The following CAMTA1 variants were observed in gnomAD, a reference collection of about 807,000 sequenced individuals.
CAMTA1 encodes the protein calmodulin binding transcription activator 1.
CAMTA1 carries 27 observed loss-of-function variants against 170.9 expected under a neutral mutation model. That is an observed-to-expected ratio of 0.16 (90% CI 0.12 to 0.22). The LOEUF (loss-of-function observed/expected upper bound fraction) is 0.22. Ranked by LOEUF, CAMTA1 falls within the 10% of genes least tolerant of loss-of-function variation. CAMTA1 has a pLI of 1.00. For synonymous variants in CAMTA1, 833 were observed against 891.5 expected (o/e 0.93, Z 1.17); for missense variants, 1,619 against 2,217.2 (o/e 0.73, Z 5.42).
chr1:7,208,328 T>C (rs1411221611), intron 4 of CAMTA1, among the ~76,000 whole-genome samples: 11 of 152,268 alleles, frequency 7.2e-5, no homozygotes, highest in Admixed American at 6.5e-4. Context: ...ACATACTTCA[T>C]TGAAAATTCT....
intron 4 of CAMTA1, among the ~76,000 whole-genome samples, chr1:7,163,131 T>C (rs1303818442): frequency 2.0e-5 from 3 of 151,540 alleles, no homozygotes; most frequent in Non-Finnish European, 2.9e-5. Flanking sequence ...GGGGAGTGAA[T>C]AAACCATGTG....
intron 3 of CAMTA1, among the ~76,000 whole-genome samples, chr1:7,048,538 T>C (rs1705779638): frequency 6.6e-6 from 1 of 152,240 alleles, no homozygotes; most frequent in Admixed American, 6.5e-5. Context: ...TCTCAGCCTT[T>C]GCCCGGAGAG....
At chr1:7,130,937 G>GT (rs1420339445) in intron 4 of CAMTA1, among the ~76,000 whole-genome samples, 9 of 151,412 alleles carry the variant, frequency 5.9e-5, no homozygotes, top group Non-Finnish European at 1.3e-4. Context: ...TATTTTCTGA[G>GT]TTTGTTCCTT....
chr1:6,886,948 G>A (rs1016886965), intron 3 of CAMTA1, among the ~76,000 whole-genome samples: 1 of 152,204 alleles, frequency 6.6e-6, no homozygotes, highest in African/African-American at 2.4e-5. Flanking sequence ...GGAAACCAGA[G>A]TATCCCTTTG....
intron 6 of CAMTA1, among the ~76,000 whole-genome samples, chr1:7,516,836 G>A (rs1331120977): frequency 6.6e-6 from 1 of 152,182 alleles, no homozygotes; most frequent in Non-Finnish European, 1.5e-5. Flanking sequence ...CCAGCAAAGG[G>A]AGTCACACAG....
At chr1:7,308,410 T>C (rs1462583686) in intron 5 of CAMTA1, among the ~76,000 whole-genome samples, 1 of 152,080 alleles carries the variant, frequency 6.6e-6, no homozygotes, top group Admixed American at 6.5e-5. Context: ...AATTTGCTGT[T>C]ATTTTTCTAG....
In CAMTA1 at chr1:7,200,130, A is replaced by G. The variant is rs577472254; in HGVS notation, c.303-49361A>G. Among the ~76,000 whole-genome samples the G allele has an allele frequency of 1.7e-3, 253 of 152,320 alleles. 1 individual carries two copies. The highest frequency in any genetic ancestry group is 2.5e-3 in the Non-Finnish European group (172 of 68,018). ...TTCGCCAGATTTCATAGTTGTTCACATTTCACTATATATACTTAATTATTC... is the reference window on the plus strand; with the variant it reads ...TTCGCCAGATTTCATAGTTGTTCACGTTTCACTATATATACTTAATTATTC... On this transcript the variant is annotated intron_variant, in intron 4 of 22. Coordinates refer to ENST00000303635, the MANE Select transcript of CAMTA1 (RefSeq NM_015215.4).
chr1:7,617,934 C>T (rs1288416252), intron 6 of CAMTA1, among the ~76,000 whole-genome samples: 2 of 152,086 alleles, frequency 1.3e-5, no homozygotes, highest in African/African-American at 2.4e-5. Context: ...AGCCTGCAGC[C>T]CAAGGCCTGG....
intron 3 of CAMTA1, among the ~76,000 whole-genome samples, chr1:6,829,533 T>A (rs1648845307): frequency 6.6e-6 from 1 of 152,222 alleles, no homozygotes; most frequent in Non-Finnish European, 1.5e-5. Flanking sequence ...GCTGCACTAA[T>A]TATGGAAGCC....
At chr1:7,311,319 C>G (rs1676699169) in intron 5 of CAMTA1, among the ~76,000 whole-genome samples, 1 of 152,132 alleles carries the variant, frequency 6.6e-6, no homozygotes, top group Non-Finnish European at 1.5e-5. Flanking sequence ...TTTATTCTCT[C>G]TTATTCAGAT....
At chr1:7,718,186 C>T (rs957266376) in intron 11 of CAMTA1, among the ~76,000 whole-genome samples, 1 of 144,560 alleles carries the variant, frequency 6.9e-6, no homozygotes, top group Non-Finnish European at 1.5e-5. Flanking sequence ...CAGTCTTAGC[C>T]AGCAGTGGGC....
chr1:7,415,206 G>A (rs1281437899), intron 5 of CAMTA1, among the ~76,000 whole-genome samples: 2 of 151,848 alleles, frequency 1.3e-5, no homozygotes, highest in Non-Finnish European at 2.9e-5. Flanking sequence ...GAATAGGTGT[G>A]GTGTGGTGCT....
intron 3 of CAMTA1, among the ~76,000 whole-genome samples, chr1:7,056,212 G>T (rs1291504458): frequency 6.6e-6 from 1 of 152,244 alleles, no homozygotes; most frequent in Non-Finnish European, 1.5e-5. Flanking sequence ...TTTAGGCTCA[G>T]TCCTCATCTG....
At chr1:7,708,977 C>T (rs973906017) in intron 11 of CAMTA1, among the ~76,000 whole-genome samples, 1 of 152,138 alleles carries the variant, frequency 6.6e-6, no homozygotes, top group Non-Finnish European at 1.5e-5. Flanking sequence ...ACCTGACTTT[C>T]ACCACCCCAT....
At chr1:7,462,964 T>C (rs1167837640) in intron 5 of CAMTA1, among the ~76,000 whole-genome samples, 4 of 152,112 alleles carry the variant, frequency 2.6e-5, no homozygotes, top group African/African-American at 4.8e-5. Flanking sequence ...GGCCACTGGG[T>C]CGGGGGCTCC....
intron 9 of CAMTA1, among the ~76,000 whole-genome samples, chr1:7,669,947 C>T (rs1050648543): frequency 6.6e-6 from 1 of 152,242 alleles, no homozygotes; most frequent in African/African-American, 2.4e-5. Context: ...ACTGCCCGGG[C>T]CCCGGACATG....
At chr1:7,047,113 G>GTGGAGGC (rs1558020500) in intron 3 of CAMTA1, among the ~76,000 whole-genome samples, 1 of 152,204 alleles carries the variant, frequency 6.6e-6, no homozygotes, top group Non-Finnish European at 1.5e-5. Flanking sequence ...TTGTGCTGAG[G>GTGGAGGC]TGGAGGCTCC....
In CAMTA1 at chr1:7,049,181, G is replaced by A. The variant is rs142664520; in HGVS notation, c.235-42123G>A. Reference sequence around the variant, plus strand: ...GTACGAACTACAGGCTGGTTCTGGGGTCTCAGCCTAAGCTGAAGATCCGGC... The same window carrying A: ...GTACGAACTACAGGCTGGTTCTGGGATCTCAGCCTAAGCTGAAGATCCGGC... On this transcript the variant is annotated intron_variant, in intron 3 of 22. Coordinates refer to ENST00000303635, the MANE Select transcript of CAMTA1 (RefSeq NM_015215.4). Among the ~76,000 whole-genome samples the A allele has an allele frequency of 6.0e-3, 914 of 152,256 alleles. 9 individuals are homozygous for A. The highest frequency in any genetic ancestry group is 0.021 in the African/African-American group (858 of 41,530).
chr1:7,062,310 C>CA, intron 3 of CAMTA1, among the ~76,000 whole-genome samples: 1 of 152,222 alleles, frequency 6.6e-6, no homozygotes. Context: ...AATATTGTGT[C>CA]ATGAGTTATA....
Sources: allele counts gnomAD v4.1 joint callset (sites outside exome capture counted in the v4.1 genomes callset), GRCh38; gene constraint gnomAD v4.1.1; transcripts MANE v1.5; gene names NCBI Gene and HGNC (gene_info 2026-07-23, HGNC 2026-07-21).